AUTS2: variants seen among roughly 807,000 people sequenced by gnomAD.
AUTS2 encodes the protein activator of transcription and developmental regulator AUTS2.
In AUTS2, 17 loss-of-function variants were observed where a neutral mutation model predicts 112.4. The ratio of observed to expected loss-of-function variants is 0.15; its 90% CI spans 0.10 to 0.23. The LOEUF (loss-of-function observed/expected upper bound fraction) is 0.23, where lower values mean the gene tolerates loss of function less well. Ranked by LOEUF, AUTS2 falls within the 10% of genes least tolerant of loss-of-function variation. The pLI, the probability that AUTS2 is intolerant of heterozygous loss-of-function variation, is 1.00. For synonymous variants in AUTS2, 751 were observed against 702.7 expected, an observed-to-expected ratio of 1.07 and a Z score of -1.09; for missense variants, 1,510 against 1,701.6, an observed-to-expected ratio of 0.89 and a Z score of 1.98.
chr7:69,739,024 T>C (rs1787154974), intron 1 of AUTS2, among the ~76,000 whole-genome samples: 1 of 152,092 alleles, frequency 6.6e-6, no homozygotes, highest in East Asian at 1.9e-4. Flanking sequence ...CTTTCTAAGA[T>C]GGAATGTTTT....
intron 2 of AUTS2, among the ~76,000 whole-genome samples, chr7:70,053,544 G>GTTGTTTTTTTTTTTTTTTTTTTTTTTT (rs1801849682): frequency 7.8e-6 from 1 of 127,848 alleles, no homozygotes; most frequent in African/African-American, 3.1e-5. Context: ...GTTTTGGGTG[G>GTTGTTTTTTTTTTTTTTTTTTTTTTTT]TTTTTTTTTT....
chr7:70,618,159 T>C (rs1804477327), intron 5 of AUTS2, among the ~76,000 whole-genome samples: 1 of 152,222 alleles, frequency 6.6e-6, no homozygotes, highest in South Asian at 2.1e-4. Context: ...GTTACGTTCT[T>C]ATTGGTTGAG....
At chr7:70,232,072 C>T (rs950045626) in intron 4 of AUTS2, among the ~76,000 whole-genome samples, 1 of 152,146 alleles carries the variant, frequency 6.6e-6, no homozygotes, top group East Asian at 1.9e-4. Flanking sequence ...TGCATCCAGC[C>T]TATAATCTGT....
intron 5 of AUTS2, among the ~76,000 whole-genome samples, chr7:70,484,818 G>T (rs1797921978): frequency 6.6e-6 from 1 of 152,082 alleles, no homozygotes; most frequent in Non-Finnish European, 1.5e-5. Context: ...GTCAAAAGAA[G>T]TACCTCTGGA....
chr7:70,518,707 T>C (rs1408656144), intron 5 of AUTS2, among the ~76,000 whole-genome samples: 3 of 151,278 alleles, frequency 2.0e-5, no homozygotes, highest in Non-Finnish European at 3.0e-5. Flanking sequence ...AATGTGTCGT[T>C]TTGTTTGTTT....
intron 5 of AUTS2, among the ~76,000 whole-genome samples, chr7:70,617,049 T>TTTATTTTTTTCA (rs1192911862): frequency 1.3e-5 from 2 of 152,154 alleles, no homozygotes; most frequent in Non-Finnish European, 2.9e-5. Context: ...CAATTAAGGA[T>TTTATTTTTTTCA]TTATTTTTTT....
At chr7:69,706,705 T>C (rs1798073804) in intron 1 of AUTS2, among the ~76,000 whole-genome samples, 1 of 152,234 alleles carries the variant, frequency 6.6e-6, no homozygotes, top group South Asian at 2.1e-4. Context: ...TTTTCTTTCC[T>C]TTCTCTTTGT....
At chr7:69,621,642 CTTAA>C in intron 1 of AUTS2, among the ~76,000 whole-genome samples, 1 of 152,238 alleles carries the variant, frequency 6.6e-6, no homozygotes, top group East Asian at 1.9e-4. Flanking sequence ...AATTTATAAA[CTTAA>C]TTTGTGTCAC....
intron 4 of AUTS2, among the ~76,000 whole-genome samples, chr7:70,324,111 T>A (rs1255061121): frequency 6.6e-6 from 1 of 152,128 alleles, no homozygotes; most frequent in Non-Finnish European, 1.5e-5. Flanking sequence ...AACCTTGGCG[T>A]CATCAGCTAA....
rs1219777433 is a variant in AUTS2, at chr7:70,709,263, A to G, written c.742+10643A>G. 4.6e-5 allele frequency among the ~76,000 whole-genome samples: 7 copies of G among 152,226 alleles called. No individual in the cohort carries two copies. The East Asian group carries it at 1.4e-3, about 30-fold the overall frequency. On this transcript the variant is annotated intron_variant, in intron 6 of 18. Transcript: ENST00000342771. The stretch of plus-strand genomic sequence containing the variant: ...GGTTGGCCCACCGCAAGGAGGTGGC[A>G]GGAGGGAAGCCCCATGCCCAAGCCT...
intron 1 of AUTS2, among the ~76,000 whole-genome samples, chr7:69,614,429 C>T (rs1458159363): frequency 6.7e-6 from 1 of 149,736 alleles, no homozygotes; most frequent in Non-Finnish European, 1.5e-5. Context: ...TCATAGCTCA[C>T]TGCATCCTGA....
At chr7:70,439,236 C>T (rs997985034) in intron 5 of AUTS2, among the ~76,000 whole-genome samples, 3 of 152,060 alleles carry the variant, frequency 2.0e-5, no homozygotes, top group South Asian at 2.1e-4. Context: ...ACCACAAGGA[C>T]GTTCATGAAG....
At chr7:70,168,508 G>T (rs538515176) in intron 4 of AUTS2, among the ~76,000 whole-genome samples, 1 of 152,232 alleles carries the variant, frequency 6.6e-6, no homozygotes, top group East Asian at 1.9e-4. Context: ...TAGAGACAGG[G>T]TTTCACCATG....
chr7:69,922,816 A>G (rs1250901862), intron 2 of AUTS2, among the ~76,000 whole-genome samples: 2 of 152,164 alleles, frequency 1.3e-5, no homozygotes, highest in Non-Finnish European at 2.9e-5. Context: ...GAGGCAGTAT[A>G]TTATCTCTCA....
chr7:70,220,980 T>C (rs1445382886), intron 4 of AUTS2, among the ~76,000 whole-genome samples: 2 of 152,236 alleles, frequency 1.3e-5, no homozygotes, highest in Non-Finnish European at 2.9e-5. Context: ...TCACCCAGGC[T>C]GGAGTGCAGT....
intron 5 of AUTS2, among the ~76,000 whole-genome samples, chr7:70,554,031 A>G (rs1443714887): frequency 6.8e-6 from 1 of 146,634 alleles, no homozygotes; most frequent in Admixed American, 6.9e-5. Context: ...CGGCCTCCCA[A>G]AGTGCTGAGA....
At chr7:70,420,764 A>C (rs191175210) in intron 4 of AUTS2, among the ~76,000 whole-genome samples, 1 of 152,252 alleles carries the variant, frequency 6.6e-6, no homozygotes, top group East Asian at 1.9e-4. Flanking sequence ...CAGAAGGCAC[A>C]TCAGTGATAC....
At chr7:70,051,647 A>T (rs1469809907) in intron 2 of AUTS2, among the ~76,000 whole-genome samples, 1 of 152,148 alleles carries the variant, frequency 6.6e-6, no homozygotes, top group Non-Finnish European at 1.5e-5. Flanking sequence ...TGAACCCGGA[A>T]GGTGAAGGTT....
At chr7:70,217,020 G>C (rs552376491) in intron 4 of AUTS2, among the ~76,000 whole-genome samples, 1 of 151,878 alleles carries the variant, frequency 6.6e-6, no homozygotes, top group African/African-American at 2.4e-5. Context: ...AGCAATTTTC[G>C]TGTTTCTGTG....
Sources: allele counts gnomAD v4.1 joint callset (sites outside exome capture counted in the v4.1 genomes callset), GRCh38; gene constraint gnomAD v4.1.1; transcripts MANE v1.5; gene names NCBI Gene and HGNC (gene_info 2026-07-23, HGNC 2026-07-21).